TDRD1: variants seen among roughly 807,000 people sequenced by gnomAD.
TDRD1 encodes tudor domain-containing protein 1.
A neutral mutation model predicts 140.6 loss-of-function variants in TDRD1; 37 were observed. The ratio of observed to expected loss-of-function variants is 0.26; its 90% CI spans 0.20 to 0.35. The LOEUF (loss-of-function observed/expected upper bound fraction) is 0.35, where lower values mean the gene tolerates loss of function less well. Among genes scored for constraint, TDRD1 ranks in the 10% least tolerant of loss-of-function variants. TDRD1 has a pLI of 1.00. For synonymous variants in TDRD1, 506 were observed against 475.7 expected (o/e 1.06, Z -0.83); for missense variants, 1,243 against 1,393.0 (o/e 0.89, Z 1.71).
At chr10:114,226,284 G>A in intron 22 of TDRD1, 68 bp downstream of exon 22, 1 of 1,132,400 alleles carries the variant, frequency 8.8e-7, no homozygotes, top group Non-Finnish European at 1.3e-6. Context: ...ATGTTTCATA[G>A]CTCTAAGTCG....
chr10:114,230,861 T>C (rs1013170779), intron 25 of TDRD1, among the ~76,000 whole-genome samples: 1 of 152,040 alleles, frequency 6.6e-6, no homozygotes. Flanking sequence ...GCCCAGGAGT[T>C]TGAGACCATC....
chr10:114,223,395 G>A (rs2036256163), intron 21 of TDRD1, among the ~76,000 whole-genome samples: 1 of 152,226 alleles, frequency 6.6e-6, no homozygotes, highest in East Asian at 1.9e-4. Context: ...CTGGGGCACA[G>A]GCCTGCCTTC....
chr10:114,231,569 T>C, exon 26 of TDRD1: 1 of 1,429,582 alleles, frequency 7.0e-7, no homozygotes, highest in Middle Eastern at 1.8e-4. Flanking sequence ...GCACCTGGTG[T>C]TTTTATTTAT....
At chr10:114,190,883 C>G in intron 2 of TDRD1, 78 bp from the exon 3 acceptor site, 1 of 1,398,482 alleles carries the variant, frequency 7.2e-7, no homozygotes. Flanking sequence ...TGAATATCAC[C>G]TAATTACACT....
At chr10:114,202,636 A>G (rs2034832772) in intron 6 of TDRD1, among the ~76,000 whole-genome samples, 1 of 152,226 alleles carries the variant, frequency 6.6e-6, no homozygotes, top group African/African-American at 2.4e-5. Flanking sequence ...TTAGGCAACA[A>G]CATGGGCTGA....
At position 114,209,491 on chromosome 10, in the gene TDRD1, C is replaced by G. The variant is rs566866107; in HGVS notation, c.1385-1090C>G. On this transcript the variant is annotated intron_variant, in intron 11 of 25. Coordinates refer to ENST00000251864, the Ensembl canonical transcript of TDRD1. ...CTATTAAGTTTTTCTCTTGCCTTCTCCCTTATGTTGTGATTTCTTTTGGAA... is the reference window on the plus strand; with the variant it reads ...CTATTAAGTTTTTCTCTTGCCTTCTGCCTTATGTTGTGATTTCTTTTGGAA... Among the ~76,000 whole-genome samples the G allele has an allele frequency of 4.6e-5, 7 of 152,316 alleles. No individual in the cohort carries two copies. In the South Asian group the frequency reaches 1.5e-3, roughly 32 times the overall value.
chr10:114,224,000 CTG>C (rs2036296851), intron 21 of TDRD1, among the ~76,000 whole-genome samples: 1 of 152,198 alleles, frequency 6.6e-6, no homozygotes, highest in South Asian at 2.1e-4. Flanking sequence ...GCCCCCCACA[CTG>C]TGTTAGCTAG....
At chr10:114,229,100 AC>A (rs1410361411) in intron 25 of TDRD1, among the ~76,000 whole-genome samples, 5 of 7,570 alleles carry the variant, frequency 6.6e-4, no homozygotes, top group East Asian at 0.031. Context: ...ACAAAACAAA[AC>A]AAAAAAAAAA....
chr10:114,215,910 G>A (rs1438573370), intron 16 of TDRD1, among the ~76,000 whole-genome samples: 1 of 152,096 alleles, frequency 6.6e-6, no homozygotes, highest in Admixed American at 6.6e-5. Flanking sequence ...ATGCTTGTAT[G>A]AGTATATATA....
chr10:114,210,526 T>G, intron 11 of TDRD1, 55 bp from the exon 12 acceptor site: 1 of 1,489,946 alleles, frequency 6.7e-7, no homozygotes, highest in South Asian at 1.4e-5. Context: ...GCATAATTTT[T>G]TTTTTACTTT....
At chr10:114,228,246 T>C (rs2036554281) in intron 25 of TDRD1, 1 of 1,442,494 alleles carries the variant, frequency 6.9e-7, no homozygotes, top group Non-Finnish European at 9.1e-7. Flanking sequence ...ACTTTCGTGA[T>C]TTAATGACCT....
At chr10:114,217,210 T>C (rs1214416504) in intron 16 of TDRD1, among the ~76,000 whole-genome samples, 3 of 152,214 alleles carry the variant, frequency 2.0e-5, no homozygotes, top group African/African-American at 7.2e-5. Flanking sequence ...TTATAGTCAC[T>C]TTCAGGACAG....
At chr10:114,180,518 T>C (rs545795370) in intron 1 of TDRD1, among the ~76,000 whole-genome samples, 1 of 152,228 alleles carries the variant, frequency 6.6e-6, no homozygotes, top group South Asian at 2.1e-4. Context: ...CAGGCTGGAG[T>C]GCAATGGCGC....
At chr10:114,184,371 C>A (rs2037772782) in intron 1 of TDRD1, among the ~76,000 whole-genome samples, 1 of 152,232 alleles carries the variant, frequency 6.6e-6, no homozygotes, top group Non-Finnish European at 1.5e-5. Flanking sequence ...CGCAAAGGAA[C>A]CGCCAGACAC....
At chr10:114,217,795 T>G in intron 17 of TDRD1, 140 bp downstream of exon 17, 1 of 578,072 alleles carries the variant, frequency 1.7e-6, no homozygotes, top group South Asian at 2.2e-5. Flanking sequence ...ATGTCATGTG[T>G]TTTTCCTTCT....
chr10:114,198,518 T>G (rs2034520203), intron 3 of TDRD1, among the ~76,000 whole-genome samples: 1 of 152,188 alleles, frequency 6.6e-6, no homozygotes, highest in African/African-American at 2.4e-5. Flanking sequence ...CCCCACACTC[T>G]CCCTTTGTGG....
At chr10:114,180,826 A>G (rs1278728049) in intron 1 of TDRD1, among the ~76,000 whole-genome samples, 4 of 152,332 alleles carry the variant, frequency 2.6e-5, no homozygotes, top group African/African-American at 9.6e-5. Context: ...TGCCAGGAAG[A>G]CAAAAGCAAA....
intron 1 of TDRD1, among the ~76,000 whole-genome samples, chr10:114,182,671 G>GT: frequency 6.6e-6 from 1 of 150,620 alleles, no homozygotes. Flanking sequence ...ATTTAAAATA[G>GT]TTTTTATCAT....
At chr10:114,181,612 G>C (rs1485824963) in intron 1 of TDRD1, among the ~76,000 whole-genome samples, 1 of 152,166 alleles carries the variant, frequency 6.6e-6, no homozygotes. Flanking sequence ...CCAGCGCTTC[G>C]GGAGGCTGAG....
Sources: gnomAD v4.1 joint callset for allele counts (sites outside exome capture counted in the v4.1 genomes callset) on GRCh38, gnomAD v4.1.1 for gene constraint, MANE v1.5 for transcripts, NCBI Gene and HGNC (gene_info 2026-07-23, HGNC 2026-07-21) for gene names.